The following STK31 variants were observed in gnomAD, a reference collection of about 807,000 sequenced individuals.
The protein encoded by STK31 is serine/threonine kinase 31.
Under a neutral mutation model 129.7 loss-of-function variants are expected in STK31, and 89 were observed. That is an observed-to-expected ratio of 0.69 (90% CI 0.58 to 0.82). STK31 has a LOEUF of 0.82. Among genes scored for constraint, STK31 ranks in the 40% least tolerant of loss-of-function variants. The probability of loss-of-function intolerance (pLI) is 0.00; values close to 1 mark genes in which losing one functional copy is unlikely to be tolerated. For missense variants in STK31, 1,187 were observed against 1,176.4 expected (o/e 1.01, Z -0.13); for synonymous variants, 448 against 395.3 (o/e 1.13, Z -1.58).
At chr7:23,740,190 C>G (rs1181481903) in intron 8 of STK31, among the ~76,000 whole-genome samples, 1 of 152,142 alleles carries the variant, frequency 6.6e-6, no homozygotes, top group East Asian at 1.9e-4. Flanking sequence ...AATCCTTCCT[C>G]TTTTGGCTCC....
At chr7:23,787,234 T>C (rs1429450644) in intron 20 of STK31, among the ~76,000 whole-genome samples, 1 of 152,232 alleles carries the variant, frequency 6.6e-6, no homozygotes, top group Non-Finnish European at 1.5e-5. Context: ...CTGCCTAATA[T>C]AGCACTTGGT....
chr7:23,769,538 A>G, intron 12 of STK31, 102 bp from the exon 13 acceptor site: 1 of 755,976 alleles, frequency 1.3e-6, no homozygotes, highest in Middle Eastern at 2.5e-4. Flanking sequence ...GTTCTTTTAC[A>G]TTGCCCAGGG....
rs970073542 is a variant in STK31 at position 23,781,585 on chromosome 7, G to A, written c.2067+65G>A. 82 of 1,126,532 alleles carry A rather than the reference G, an allele frequency of 7.3e-5. 1 individual carries two copies. The highest frequency in any genetic ancestry group is 3.7e-5 in the Non-Finnish European group (28 of 764,166). The allele number at this position is 1,126,532 out of a possible 1,614,324, so 69.8% of individuals were successfully genotyped here. ...CTCTAGAAATTGAATTTAAATACCC[G>A]TTTTATGAAGTGGACTGTAATCACA... On this transcript the variant is annotated intron_variant, in intron 16 of 23. Coordinates refer to ENST00000355870, the MANE Select transcript of STK31 (RefSeq NM_031414.5).
At chr7:23,760,461 C>T (rs1306837580) in intron 10 of STK31, among the ~76,000 whole-genome samples, 2 of 152,096 alleles carry the variant, frequency 1.3e-5, no homozygotes, top group African/African-American at 4.8e-5. Flanking sequence ...CTGATCACTT[C>T]TGATTATGGG....
intron 23 of STK31, among the ~76,000 whole-genome samples, chr7:23,818,630 AC>A (rs1173086635): frequency 2.7e-5 from 4 of 146,150 alleles, no homozygotes; most frequent in Admixed American, 2.0e-4. Flanking sequence ...AAAAAAAAAA[AC>A]AACAAAAAGC....
At chr7:23,818,235 T>C (rs555730504) in intron 23 of STK31, among the ~76,000 whole-genome samples, 21 of 152,306 alleles carry the variant, frequency 1.4e-4, no homozygotes, top group African/African-American at 5.1e-4. Context: ...CCATGTATTA[T>C]GTGAAAAAAA....
chr7:23,831,725 G>A (rs867727821), intron 23 of STK31, among the ~76,000 whole-genome samples: 1 of 152,122 alleles, frequency 6.6e-6, no homozygotes, highest in South Asian at 2.1e-4. Flanking sequence ...TTTTATTTGT[G>A]TGTTTGTTTT....
At chr7:23,774,105 A>G (rs527483001) in intron 15 of STK31, among the ~76,000 whole-genome samples, 90 of 152,158 alleles carry the variant, frequency 5.9e-4, no homozygotes, top group Non-Finnish European at 1.1e-3. Flanking sequence ...TGCAAAGGAC[A>G]TGAAATCATC....
At chr7:23,782,471 C>CAAAAAA (rs66962254) in intron 16 of STK31, among the ~76,000 whole-genome samples, 87 of 84,330 alleles carry the variant, frequency 1.0e-3, no homozygotes, top group Admixed American at 1.5e-3. Context: ...GACCCTGTCT[C>CAAAAAA]AAAAAAAAAA....
chr7:23,799,699 A>G (rs769183443), intron 22 of STK31, among the ~76,000 whole-genome samples: 1 of 152,364 alleles, frequency 6.6e-6, no homozygotes, highest in Admixed American at 6.5e-5. Flanking sequence ...CATGACTAAA[A>G]CACCAAAAGC....
At chr7:23,800,777 A>G (rs1792317679) in intron 22 of STK31, among the ~76,000 whole-genome samples, 1 of 152,276 alleles carries the variant, frequency 6.6e-6, no homozygotes, top group Non-Finnish European at 1.5e-5. Context: ...AAAAATATAA[A>G]TAAAAATAAT....
rs377279588 is a variant in STK31 at position 23,735,810 on chromosome 7, C to T, written c.756C>T (p.Phe252=). The T allele has an allele frequency of 1.9e-6, 3 of 1,614,114 alleles. No individual in the cohort carries two copies. The highest frequency in any genetic ancestry group is 1.7e-6 in the Non-Finnish European group (2 of 1,180,004). The part of the protein sequence containing the change: ...LWGHRSNQST[F]SRPKGHLSEK... ...GGCATAGATCAAACCAGTCAACCTTCAGCAGGCCCAAGGGGCACTTAAGTG... is the reference window on the plus strand; with the variant it reads ...GGCATAGATCAAACCAGTCAACCTTTAGCAGGCCCAAGGGGCACTTAAGTG... The change falls in exon 7 of 24, where the codon TTC becomes TTT. Residue 252 remains phenylalanine, a synonymous_variant. Coordinates refer to ENST00000355870, the MANE Select transcript of STK31 (RefSeq NM_031414.5).
At chr7:23,830,109 C>T (rs1417030603) in intron 23 of STK31, among the ~76,000 whole-genome samples, 2 of 152,094 alleles carry the variant, frequency 1.3e-5, no homozygotes, top group African/African-American at 4.8e-5. Flanking sequence ...GCCACAACGC[C>T]TAGCTAATTT....
At chr7:23,800,077 G>A (rs1341967833) in intron 22 of STK31, among the ~76,000 whole-genome samples, 2 of 152,156 alleles carry the variant, frequency 1.3e-5, no homozygotes, top group African/African-American at 2.4e-5. Context: ...TGAAAAGTCA[G>A]GAAACAACAG....
intron 22 of STK31, among the ~76,000 whole-genome samples, chr7:23,800,806 TAC>T (rs1792320296): frequency 2.0e-5 from 3 of 151,550 alleles, no homozygotes; most frequent in Non-Finnish European, 4.4e-5. Flanking sequence ...AGTGGTATCA[TAC>T]AGTATATAAT....
chr7:23,822,235 A>G (rs575226906), intron 23 of STK31, among the ~76,000 whole-genome samples: 36 of 152,268 alleles, frequency 2.4e-4, no homozygotes, highest in African/African-American at 8.7e-4. Context: ...TAGTATGGGC[A>G]TTTTAACAAT....
At chr7:23,778,937 C>T (rs1409147847) in intron 15 of STK31, among the ~76,000 whole-genome samples, 1 of 152,080 alleles carries the variant, frequency 6.6e-6, no homozygotes, top group Non-Finnish European at 1.5e-5. Flanking sequence ...AATTTTCACC[C>T]TTTTTGTGCT....
intron 7 of STK31, 55 bp downstream of exon 7, chr7:23,735,951 T>A: frequency 7.1e-7 from 1 of 1,410,588 alleles, no homozygotes; most frequent in East Asian, 2.3e-5. Flanking sequence ...CCTGTCATAG[T>A]AGAATAGAAG....
chr7:23,832,112 T>C (rs757474345), intron 23 of STK31, 24 bp from the exon 24 acceptor site: 2 of 1,545,154 alleles, frequency 1.3e-6, no homozygotes, highest in Non-Finnish European at 1.8e-6. Context: ...TCCTTTGTTT[T>C]GTAACACCTG....
Sources: allele counts gnomAD v4.1 joint callset (sites outside exome capture counted in the v4.1 genomes callset), GRCh38; gene constraint gnomAD v4.1.1; transcripts MANE v1.5; gene names NCBI Gene and HGNC (gene_info 2026-07-23, HGNC 2026-07-21).